Variants in PPIG observed in about 807,000 individuals in gnomAD.
PPIG encodes peptidyl-prolyl cis-trans isomerase G.
Under a neutral mutation model 87.9 loss-of-function variants are expected in PPIG, and 26 were observed. That is an observed-to-expected ratio of 0.30 (90% CI 0.22 to 0.41). The LOEUF is 0.41. Ranked by LOEUF, PPIG falls within the 10% of genes least tolerant of loss-of-function variation. The probability of loss-of-function intolerance (pLI) is 1.00; values close to 1 mark genes in which losing one functional copy is unlikely to be tolerated. For missense variants in PPIG, 722 were observed against 879.4 expected, an observed-to-expected ratio of 0.82 and a Z score of 2.26; for synonymous variants, 308 against 276.5, an observed-to-expected ratio of 1.11 and a Z score of -1.13.
rs565111599 is a variant in PPIG, at chr2:169,613,973, C to T, written c.378-491C>T. The stretch of plus-strand genomic sequence containing the variant: ...AAAAAACTTGTAAACACGATATGAA[C>T]CATTTCTGTTCAAGTCCAACAGTAT... On this transcript the variant is annotated intron_variant, in intron 7 of 13. Coordinates refer to ENST00000260970, the MANE Select transcript of PPIG (RefSeq NM_004792.3). Among the ~76,000 whole-genome samples the T allele has an allele frequency of 3.3e-5, 5 of 152,274 alleles. No homozygotes were observed. In the South Asian group the frequency reaches 1.0e-3, roughly 32 times the overall value.
chr2:169,615,293 T>A (rs1685582695), intron 9 of PPIG, among the ~76,000 whole-genome samples: 3 of 152,204 alleles, frequency 2.0e-5, no homozygotes, highest in Admixed American at 1.3e-4. Flanking sequence ...GTGATCCGCC[T>A]GCCTTGGCCC....
intron 7 of PPIG, among the ~76,000 whole-genome samples, chr2:169,611,278 C>T (rs1345919772): frequency 6.6e-6 from 1 of 152,250 alleles, no homozygotes; most frequent in Non-Finnish European, 1.5e-5. Flanking sequence ...ATAAGACACA[C>T]ACACAAAAAT....
At chr2:169,602,805 C>G (rs1685221582) in intron 1 of PPIG, among the ~76,000 whole-genome samples, 4 of 152,150 alleles carry the variant, frequency 2.6e-5, no homozygotes, top group Admixed American at 2.0e-4. Flanking sequence ...TCATTCCACT[C>G]TGGCTATTTT....
chr2:169,621,400 T>C (rs1404114644), intron 9 of PPIG, among the ~76,000 whole-genome samples: 1 of 152,156 alleles, frequency 6.6e-6, no homozygotes, highest in Non-Finnish European at 1.5e-5. Context: ...TTATTGCAGA[T>C]GTATGCTTCA....
At chr2:169,593,599 G>T (rs1439306830) in intron 1 of PPIG, among the ~76,000 whole-genome samples, 1 of 151,744 alleles carries the variant, frequency 6.6e-6, no homozygotes. Flanking sequence ...GAGCTTGAAG[G>T]TCGGGAGTAG....
At chr2:169,630,424 AT>A (rs1686012937) in intron 9 of PPIG, among the ~76,000 whole-genome samples, 1 of 152,204 alleles carries the variant, frequency 6.6e-6, no homozygotes, top group South Asian at 2.1e-4. Context: ...AATCTTGATA[AT>A]AAGAGGGAAA....
intron 13 of PPIG, 39 bp downstream of exon 13, chr2:169,636,267 G>A: frequency 1.3e-6 from 2 of 1,553,094 alleles, no homozygotes; most frequent in Non-Finnish European, 1.7e-6. Flanking sequence ...GTAATGATAA[G>A]TGTTTGCTTT....
intron 5 of PPIG, 127 bp downstream of exon 5, chr2:169,606,273 G>A: frequency 1.3e-6 from 1 of 747,836 alleles, no homozygotes; most frequent in Non-Finnish European, 2.3e-6. Context: ...TGGTCAATTA[G>A]AAGTACTCAT....
At chr2:169,616,464 A>G (rs867941330) in intron 9 of PPIG, among the ~76,000 whole-genome samples, 4 of 152,180 alleles carry the variant, frequency 2.6e-5, no homozygotes, top group African/African-American at 7.2e-5. Flanking sequence ...ACTCCCACCA[A>G]CAGTATAACA....
At chr2:169,622,479 C>T (rs1028866242) in intron 9 of PPIG, among the ~76,000 whole-genome samples, 2 of 152,150 alleles carry the variant, frequency 1.3e-5, no homozygotes, top group Non-Finnish European at 2.9e-5. Context: ...GCCATTGGGG[C>T]CAGGAAGTTG....
At chr2:169,588,302 T>C (rs1245370465) in intron 1 of PPIG, among the ~76,000 whole-genome samples, 3 of 152,226 alleles carry the variant, frequency 2.0e-5, no homozygotes, top group African/African-American at 7.2e-5. Context: ...AATTAAACCA[T>C]TGAATCATGG....
chr2:169,607,982 T>C (rs1409294502), intron 6 of PPIG, among the ~76,000 whole-genome samples: 1 of 152,164 alleles, frequency 6.6e-6, no homozygotes. Flanking sequence ...ATCCTCCTGC[T>C]TCAACCTGCT....
At chr2:169,613,064 A>G (rs565119694) in intron 7 of PPIG, among the ~76,000 whole-genome samples, 9 of 152,326 alleles carry the variant, frequency 5.9e-5, no homozygotes, top group African/African-American at 2.2e-4. Context: ...TAATTTTTTA[A>G]TTTTGGGATT....
chr2:169,620,953 T>G (rs1685731491), intron 9 of PPIG, among the ~76,000 whole-genome samples: 1 of 152,062 alleles, frequency 6.6e-6, no homozygotes, highest in Non-Finnish European at 1.5e-5. Flanking sequence ...CATGTGAGAG[T>G]CATCTGTAAT....
At chr2:169,595,416 T>G (rs1464621393) in intron 1 of PPIG, among the ~76,000 whole-genome samples, 1 of 152,234 alleles carries the variant, frequency 6.6e-6, no homozygotes, top group Non-Finnish European at 1.5e-5. Flanking sequence ...TTACAAACAA[T>G]CCAGTTATAC....
chr2:169,596,428 A>G (rs1030146443), intron 1 of PPIG, among the ~76,000 whole-genome samples: 6 of 152,080 alleles, frequency 3.9e-5, no homozygotes, highest in Non-Finnish European at 8.8e-5. Flanking sequence ...TGAGTGGCCT[A>G]AACCCCTAGA....
chr2:169,591,273 A>G (rs1053925831), intron 1 of PPIG, among the ~76,000 whole-genome samples: 1 of 152,248 alleles, frequency 6.6e-6, no homozygotes, highest in Non-Finnish European at 1.5e-5. Context: ...TTTTTTACAC[A>G]TGAACTGGTT....
intron 6 of PPIG, 40 bp downstream of exon 6, chr2:169,607,188 G>T: frequency 7.8e-7 from 1 of 1,275,614 alleles, no homozygotes; most frequent in Admixed American, 1.8e-5. Flanking sequence ...TAAATATTTT[G>T]TCTTTTATTC....
Position 169,637,197 on chromosome 2 carries a change from C to T in PPIG, c.1939C>T (p.Gln647Ter). The change falls in exon 14 of 14, where the codon CAA becomes TAA. Residue 647 changes from glutamine to a stop codon, truncating the protein, a stop_gained. Transcript: ENST00000260970. LOFTEE classifies it high-confidence loss of function. ...QSRNKDKYRNQESKSSHRKEN... is the reference protein window; with the variant it reads ...QSRNKDKYRN ...CAGAAACAAAGACAAATACAGAAAC[C>T]AAGAGAGTAAGAGCTCACACAGAAA... 1 of 1,613,174 alleles carries T rather than the reference C, an allele frequency of 6.2e-7. No individual in the cohort carries two copies. Among genetic ancestry groups the T allele is most frequent in the South Asian group, 1.1e-5 (1 of 91,006 alleles).
Sources: gnomAD v4.1 joint callset for allele counts (sites outside exome capture counted in the v4.1 genomes callset) on GRCh38, gnomAD v4.1.1 for gene constraint, MANE v1.5 for transcripts, NCBI Gene and HGNC (gene_info 2026-07-23, HGNC 2026-07-21) for gene names.